PKIG: variants seen among roughly 807,000 people sequenced by gnomAD.
The protein encoded by PKIG is cAMP-dependent protein kinase inhibitor gamma.
A neutral mutation model predicts 6.8 loss-of-function variants in PKIG; 1 was observed. That is an observed-to-expected ratio of 0.15 (90% confidence interval 0.05 to 0.69). The LOEUF (loss-of-function observed/expected upper bound fraction) is 0.69. Among genes scored for constraint, PKIG ranks in the 30% least tolerant of loss-of-function variants. The probability of loss-of-function intolerance (pLI) is 0.82; values close to 1 mark genes in which losing one functional copy is unlikely to be tolerated. For synonymous variants in PKIG, 39 were observed against 43.0 expected, an observed-to-expected ratio of 0.91 and a Z score of 0.36; for missense variants, 77 against 104.0, an observed-to-expected ratio of 0.74 and a Z score of 1.13.
chr20:44,618,148 C>T (rs2065286628), intron 3 of PKIG, 137 bp from the exon 4 acceptor site: 1 of 691,290 alleles, frequency 1.4e-6, no homozygotes, highest in Non-Finnish European at 2.6e-6. Context: ...GCCACCACCA[C>T]CTCAGTCCAG....
intron 1 of PKIG, among the ~76,000 whole-genome samples, chr20:44,545,997 C>T (rs1369889420): frequency 6.6e-6 from 1 of 151,994 alleles, no homozygotes. Context: ...TCTATAATCC[C>T]AGCACTTTGG....
intron 1 of PKIG, among the ~76,000 whole-genome samples, chr20:44,535,219 G>A (rs148240538): frequency 1.2e-3 from 182 of 152,232 alleles, no homozygotes; most frequent in Middle Eastern, 0.01. Flanking sequence ...GGGATGACAG[G>A]ATGAGTAAGG....
chr20:44,582,560 A>C (rs939932951), upstream of PKIG: 1 of 152,392 alleles, frequency 6.6e-6, no homozygotes, highest in Non-Finnish European at 1.5e-5. Context: ...ACACCCACTA[A>C]AACCTCAAAG....
At chr20:44,611,917 C>T (rs949773427) in intron 2 of PKIG, among the ~76,000 whole-genome samples, 6 of 152,002 alleles carry the variant, frequency 3.9e-5, no homozygotes, top group African/African-American at 1.5e-4. Flanking sequence ...ATTATGTCCT[C>T]CAGGTTTATC....
intron 1 of PKIG, among the ~76,000 whole-genome samples, chr20:44,575,621 G>C (rs1490568512): frequency 6.6e-6 from 1 of 152,228 alleles, no homozygotes; most frequent in Non-Finnish European, 1.5e-5. Flanking sequence ...CTAAGTGGAA[G>C]ATGCTTTAGG....
At chr20:44,610,712 T>C (rs1238862915) in intron 2 of PKIG, among the ~76,000 whole-genome samples, 1 of 152,210 alleles carries the variant, frequency 6.6e-6, no homozygotes, top group Admixed American at 6.5e-5. Context: ...ACAGGGTTGA[T>C]AGATGTTTTT....
At chr20:44,551,345 C>T (rs1055305203) in intron 1 of PKIG, among the ~76,000 whole-genome samples, 13 of 152,170 alleles carry the variant, frequency 8.5e-5, no homozygotes, top group East Asian at 1.9e-4. Flanking sequence ...TGAGCCACCG[C>T]GCCCGGCCCA....
intron 3 of PKIG, among the ~76,000 whole-genome samples, chr20:44,617,581 T>A (rs780367334): frequency 1.3e-5 from 2 of 152,020 alleles, no homozygotes; most frequent in African/African-American, 4.8e-5. Context: ...AGGTGCTCCA[T>A]CTCTGTGAGC....
chr20:44,579,327 T>G (rs2064927551), upstream of PKIG, among the ~76,000 whole-genome samples: 1 of 152,234 alleles, frequency 6.6e-6, no homozygotes, highest in Admixed American at 6.5e-5. Context: ...ACAGCCAAAG[T>G]TTCCTTCATC....
intron 1 of PKIG, among the ~76,000 whole-genome samples, chr20:44,547,419 G>A (rs1341609192): frequency 1.3e-5 from 2 of 152,202 alleles, no homozygotes; most frequent in Non-Finnish European, 2.9e-5. Flanking sequence ...TCAGGATGCT[G>A]ATTTTGATTT....
At chr20:44,571,536 T>C (rs2064854164) in intron 1 of PKIG, among the ~76,000 whole-genome samples, 1 of 152,214 alleles carries the variant, frequency 6.6e-6, no homozygotes, top group Non-Finnish European at 1.5e-5. Context: ...CCTTTTTCTT[T>C]ACACCACATC....
chr20:44,555,212 T>A (rs1399156052), intron 1 of PKIG, among the ~76,000 whole-genome samples: 1 of 152,226 alleles, frequency 6.6e-6, no homozygotes, highest in East Asian at 1.9e-4. Context: ...TTAATTTCAA[T>A]TGAAAACAAA....
At chr20:44,612,778 C>T (rs1406894752) in intron 2 of PKIG, among the ~76,000 whole-genome samples, 3 of 152,202 alleles carry the variant, frequency 2.0e-5, no homozygotes, top group African/African-American at 7.2e-5. Flanking sequence ...TCACCCTTCC[C>T]TTTAGCCCAG....
intron 1 of PKIG, among the ~76,000 whole-genome samples, chr20:44,564,953 A>G (rs2064798083): frequency 6.6e-6 from 1 of 152,242 alleles, no homozygotes; most frequent in Non-Finnish European, 1.5e-5. Flanking sequence ...TTGAACAACC[A>G]GTAAAAATCA....
intron 2 of PKIG, among the ~76,000 whole-genome samples, chr20:44,602,960 T>C (rs2065134647): frequency 1.3e-5 from 2 of 151,930 alleles, no homozygotes; most frequent in African/African-American, 4.8e-5. Context: ...ATTGCGCGGG[T>C]ATTGAACCAG....
chr20:44,590,770 A>G (rs1035121022), intron 2 of PKIG, among the ~76,000 whole-genome samples: 1 of 152,204 alleles, frequency 6.6e-6, no homozygotes, highest in Non-Finnish European at 1.5e-5. Flanking sequence ...GGATGAGCGC[A>G]TCGCTCTGAA....
chr20:44,589,222 A>G (rs1221806915), intron 1 of PKIG, among the ~76,000 whole-genome samples: 2 of 152,090 alleles, frequency 1.3e-5, no homozygotes, highest in African/African-American at 4.8e-5. Flanking sequence ...CTGTAATCTC[A>G]ACTAGTCAGG....
At chr20:44,609,532 CCT>C (rs2065194850) in intron 2 of PKIG, among the ~76,000 whole-genome samples, 1 of 152,188 alleles carries the variant, frequency 6.6e-6, no homozygotes, top group Non-Finnish European at 1.5e-5. Flanking sequence ...ACACAAACTC[CCT>C]CTCCTTCAGA....
At chr20:44,572,606 G>A (rs1338429010) in intron 1 of PKIG, among the ~76,000 whole-genome samples, 1 of 152,130 alleles carries the variant, frequency 6.6e-6, no homozygotes, top group Non-Finnish European at 1.5e-5. Flanking sequence ...AATTGTCCAG[G>A]AGCAAAGCAC....
Sources: gnomAD v4.1 joint callset for allele counts (sites outside exome capture counted in the v4.1 genomes callset) on GRCh38, gnomAD v4.1.1 for gene constraint, MANE v1.5 for transcripts, NCBI Gene and HGNC (gene_info 2026-07-23, HGNC 2026-07-21) for gene names.